The following DLGAP1 variants were observed in gnomAD, a reference collection of about 807,000 sequenced individuals.
The protein encoded by DLGAP1 is DLG associated protein 1.
Under a neutral mutation model 90.8 loss-of-function variants are expected in DLGAP1, and 11 were observed. The observed-to-expected ratio is 0.12, with a 90% CI of 0.08 to 0.20. DLGAP1 has a LOEUF of 0.20. DLGAP1 is among the 10% of genes least tolerant of loss of function. DLGAP1 has a pLI of 1.00. For missense variants in DLGAP1, 1,050 were observed against 1,333.8 expected (o/e 0.79, Z 3.31); for synonymous variants, 558 against 540.7 (o/e 1.03, Z -0.44).
rs554825924 is a variant in DLGAP1 at position 4,019,989 on chromosome 18, C to T, written c.-158-14788G>A. Reference sequence around the variant, plus strand: ...ATTGGTTTGATCTGGAAGGGTGGGACAACTCACGTTTTATGTAGATTTAAA... The same window carrying T: ...ATTGGTTTGATCTGGAAGGGTGGGATAACTCACGTTTTATGTAGATTTAAA... On this transcript the variant is annotated intron_variant, in intron 2 of 12. Transcript: ENST00000315677. Among the ~76,000 whole-genome samples, 10 of 152,312 alleles carry T rather than the reference C, an allele frequency of 6.6e-5. No homozygotes were observed. In the South Asian group the frequency reaches 1.9e-3, roughly 28 times the overall value.
intron 7 of DLGAP1, among the ~76,000 whole-genome samples, chr18:3,628,146 G>T (rs1388822208): frequency 6.7e-6 from 1 of 149,902 alleles, no homozygotes; most frequent in Non-Finnish European, 1.5e-5. Context: ...AAAGTGGTGG[G>T]ATTACAGGCG....
At chr18:4,286,355 G>A (rs2079691453) in intron 1 of DLGAP1, among the ~76,000 whole-genome samples, 1 of 152,068 alleles carries the variant, frequency 6.6e-6, no homozygotes, top group Non-Finnish European at 1.5e-5. Context: ...ATTCCAAACA[G>A]GACCGTTCTC....
intron 7 of DLGAP1, among the ~76,000 whole-genome samples, chr18:3,588,176 G>T (rs516604): frequency 0.44 from 66,516 of 152,078 alleles, 14,766 homozygotes; most frequent in East Asian, 0.54. Context: ...ATATATTTTT[G>T]GGGCCGGGCG....
intron 3 of DLGAP1, among the ~76,000 whole-genome samples, chr18:3,979,473 T>C (rs1370471612): frequency 6.6e-6 from 1 of 151,958 alleles, no homozygotes; most frequent in East Asian, 1.9e-4. Flanking sequence ...CACATGACTG[T>C]ACTGTATTAA....
At chr18:4,242,357 A>AATT (rs2078555984) in intron 1 of DLGAP1, among the ~76,000 whole-genome samples, 1 of 152,102 alleles carries the variant, frequency 6.6e-6, no homozygotes, top group African/African-American at 2.4e-5. Context: ...GGACACAATC[A>AATT]GCTCTCGCAG....
chr18:4,414,426 T>C (rs2082847079), intron 1 of DLGAP1, among the ~76,000 whole-genome samples: 4 of 152,150 alleles, frequency 2.6e-5, no homozygotes, highest in South Asian at 2.1e-4. Context: ...TGGTCTGTTA[T>C]AAGAATCATG....
intron 7 of DLGAP1, among the ~76,000 whole-genome samples, chr18:3,651,616 A>T (rs373555455): frequency 1.3e-5 from 2 of 152,000 alleles, no homozygotes; most frequent in Admixed American, 1.3e-4. Context: ...AACAAGGCGA[A>T]CCCCCGTCTC....
chr18:3,978,133 T>A, intron 3 of DLGAP1: 1 of 451,822 alleles, frequency 2.2e-6, no homozygotes, highest in Admixed American at 2.3e-5. Flanking sequence ...ATTCCAAAGT[T>A]GTCATGGATG....
intron 6 of DLGAP1, among the ~76,000 whole-genome samples, chr18:3,741,274 A>G (rs1021282798): frequency 2.8e-5 from 2 of 72,530 alleles, no homozygotes; most frequent in Admixed American, 1.4e-4. Context: ...CCACCACCAC[A>G]TCACCATCAC....
chr18:3,792,019 C>A (rs1013147995), intron 5 of DLGAP1, among the ~76,000 whole-genome samples: 1 of 152,236 alleles, frequency 6.6e-6, no homozygotes, highest in African/African-American at 2.4e-5. Flanking sequence ...GACCACCCCC[C>A]ACCCCACTAT....
rs777850658 is a variant in DLGAP1 at position 3,656,736 on chromosome 18, AT to A, written c.1591+72398del. On this transcript the variant is annotated intron_variant, in intron 7 of 12. Transcript: ENST00000315677. ...TGATATTTATGCACCTTTGCAGTGA[AT>A]TTTTTTTTTTTTTGAGACAGAGTCT... 7.9e-3 allele frequency among the ~76,000 whole-genome samples: 1,144 copies of A among 144,802 alleles called. 22 individuals are homozygous for A. Among genetic ancestry groups the A allele is most frequent in the Admixed American group, 0.05 (722 of 14,546 alleles). 95.0% of individuals were successfully genotyped at this position (144,802 alleles called of 152,430 possible). A position where few individuals can be genotyped will look rare whatever the true frequency, so the allele number is the denominator to read the frequency against.
intron 10 of DLGAP1, among the ~76,000 whole-genome samples, chr18:3,522,780 T>G (rs1174986884): frequency 6.6e-6 from 1 of 152,046 alleles, no homozygotes; most frequent in Non-Finnish European, 1.5e-5. Context: ...TGACCTCAGA[T>G]GATCTGCCCA....
intron 1 of DLGAP1, among the ~76,000 whole-genome samples, chr18:4,237,545 C>T (rs533105731): frequency 5.3e-5 from 8 of 152,278 alleles, no homozygotes; most frequent in South Asian, 2.1e-4. Flanking sequence ...GTCCAGGTTC[C>T]TGCCTTTTCT....
intron 7 of DLGAP1, among the ~76,000 whole-genome samples, chr18:3,595,517 TAGAC>T (rs1426155427): frequency 6.7e-6 from 1 of 150,288 alleles, no homozygotes; most frequent in East Asian, 1.9e-4. Flanking sequence ...AAAAAGGAAG[TAGAC>T]AGACATTTGG....
intron 7 of DLGAP1, chr18:3,597,542 T>C: frequency 3.4e-6 from 1 of 297,312 alleles, no homozygotes; most frequent in Non-Finnish European, 6.5e-6. Context: ...GGCTGAGTCC[T>C]CACCAAGACT....
At chr18:4,266,499 G>A (rs957652650) in intron 1 of DLGAP1, among the ~76,000 whole-genome samples, 1 of 152,222 alleles carries the variant, frequency 6.6e-6, no homozygotes, top group East Asian at 1.9e-4. Flanking sequence ...TATCTTCAGA[G>A]CTGACTGGGG....
intron 3 of DLGAP1, among the ~76,000 whole-genome samples, chr18:3,930,525 G>A (rs2072492924): frequency 6.6e-6 from 1 of 152,158 alleles, no homozygotes. Context: ...ATCTGAGCGT[G>A]TCCTGCAATA....
At chr18:3,596,777 C>T (rs531385208) in intron 7 of DLGAP1, 33 of 506,936 alleles carry the variant, frequency 6.5e-5, no homozygotes, top group African/African-American at 5.8e-4. Flanking sequence ...GGGAGGTGAT[C>T]GGGGCAGGAG....
intron 3 of DLGAP1, among the ~76,000 whole-genome samples, chr18:3,996,794 C>T (rs1220532272): frequency 6.6e-6 from 1 of 151,930 alleles, no homozygotes; most frequent in East Asian, 1.9e-4. Context: ...TTCCATGGTG[C>T]AGTTCACATA....
Sources: gnomAD v4.1 joint callset for allele counts (sites outside exome capture counted in the v4.1 genomes callset) on GRCh38, gnomAD v4.1.1 for gene constraint, MANE v1.5 for transcripts, NCBI Gene and HGNC (gene_info 2026-07-23, HGNC 2026-07-21) for gene names.